Variants in FRAS1 observed in about 807,000 individuals in gnomAD.
The protein encoded by FRAS1 is extracellular matrix organizing protein FRAS1.
FRAS1 carries 290 observed loss-of-function variants against 435.2 expected under a neutral mutation model. That is an observed-to-expected ratio of 0.67 (90% CI 0.61 to 0.73). The LOEUF is 0.73. Ranked by LOEUF, FRAS1 falls within the 30% of genes least tolerant of loss-of-function variation. FRAS1 has a pLI of 0.00. For missense variants in FRAS1, 4,860 were observed against 5,001.5 expected (o/e 0.97, Z 0.85); for synonymous variants, 1,800 against 1,851.0 (o/e 0.97, Z 0.71).
intron 3 of FRAS1, among the ~76,000 whole-genome samples, chr4:78,243,284 G>A (rs1051659232): frequency 6.6e-6 from 1 of 152,080 alleles, no homozygotes; most frequent in African/African-American, 2.4e-5. Flanking sequence ...CCCCACTATT[G>A]TAAGCACTCA....
At chr4:78,064,957 G>A (rs1739932283) in intron 1 of FRAS1, among the ~76,000 whole-genome samples, 1 of 150,976 alleles carries the variant, frequency 6.6e-6, no homozygotes, top group African/African-American at 2.4e-5. Context: ...ACAGCACACT[G>A]CCCATCTCTT....
rs1286310495 is a variant in FRAS1 at position 78,464,531 on chromosome 4, T to C, written c.6977T>C (p.Met2326Thr). 3.1e-6 allele frequency: 5 copies of C among 1,613,792 alleles called. No individual in the cohort carries two copies. Among genetic ancestry groups the C allele is most frequent in the Admixed American group, 1.7e-5 (1 of 59,992 alleles). ...QNLGMRVQEGMRKTITEFELK... is the reference protein window; with the variant it reads ...QNLGMRVQEGTRKTITEFELK... ...TTAGGAATGCGGGTGCAGGAGGGCA[T>C]GAGGAAGACCATCACAGAGTTTGAG... The change falls in exon 49 of 74, where the codon ATG (methionine) becomes ACG (threonine). Residue 2326 changes from methionine (M) to threonine (T), a missense_variant. By Grantham distance (81) the Met-to-Thr change is moderately conservative. Transcript: ENST00000512123.
chr4:78,121,435 G>T (rs1376942453), intron 2 of FRAS1, among the ~76,000 whole-genome samples: 2 of 152,204 alleles, frequency 1.3e-5, no homozygotes, highest in Non-Finnish European at 2.9e-5. Flanking sequence ...TTAGGGTGAG[G>T]GGTGTTGGCA....
At chr4:78,518,683 G>A (rs1721294623) in intron 66 of FRAS1, among the ~76,000 whole-genome samples, 1 of 152,136 alleles carries the variant, frequency 6.6e-6, no homozygotes. Flanking sequence ...TTGGAAATGT[G>A]ATATGCTGCC....
chr4:78,347,751 A>G (rs72657061), intron 20 of FRAS1, among the ~76,000 whole-genome samples: 110 of 73,518 alleles, frequency 1.5e-3, no homozygotes, highest in Admixed American at 3.2e-3. Flanking sequence ...TGGGATGTGT[A>G]TGTGTGTGTG....
chr4:78,320,868 C>G (rs1321901240), intron 18 of FRAS1, among the ~76,000 whole-genome samples: 2 of 152,068 alleles, frequency 1.3e-5, no homozygotes, highest in African/African-American at 4.8e-5. Flanking sequence ...TTTTGTGACA[C>G]ACAGGTTGAA....
At chr4:78,112,414 T>A (rs1244849839) in intron 2 of FRAS1, among the ~76,000 whole-genome samples, 2 of 152,146 alleles carry the variant, frequency 1.3e-5, no homozygotes. Flanking sequence ...TATTATTATT[T>A]TTTATCTTGG....
At chr4:78,515,682 G>A (rs1721185520) in intron 65 of FRAS1, 117 bp from the exon 66 acceptor site, 13 of 865,700 alleles carry the variant, frequency 1.5e-5, no homozygotes, top group Middle Eastern at 3.4e-4. Context: ...TGCTTTGTTA[G>A]TAGGGTCTCA....
chr4:78,210,754 A>G (rs909348308), intron 2 of FRAS1, among the ~76,000 whole-genome samples: 10 of 152,218 alleles, frequency 6.6e-5, no homozygotes, highest in Admixed American at 2.0e-4. Context: ...TGAATTATCT[A>G]TATCTATACA....
At chr4:78,482,253 A>C (rs939524649) in intron 57 of FRAS1, 135 bp from the exon 58 acceptor site, 26 of 985,856 alleles carry the variant, frequency 2.6e-5, no homozygotes, top group Non-Finnish European at 3.9e-5. Flanking sequence ...TAATAAAGAG[A>C]TCATCATGTT....
intron 72 of FRAS1, among the ~76,000 whole-genome samples, chr4:78,537,881 G>A (rs1326924033): frequency 6.6e-6 from 1 of 151,622 alleles, no homozygotes; most frequent in Non-Finnish European, 1.5e-5. Flanking sequence ...GGGAGGTCAA[G>A]GATGCAGTGA....
chr4:78,365,457 C>A (rs1448806914), intron 22 of FRAS1, among the ~76,000 whole-genome samples: 1 of 151,994 alleles, frequency 6.6e-6, no homozygotes, highest in Non-Finnish European at 1.5e-5. Flanking sequence ...CTCTTCACAG[C>A]AGTGGAATCA....
At chr4:78,254,857 G>T (rs1479701592) in intron 5 of FRAS1, among the ~76,000 whole-genome samples, 1 of 151,994 alleles carries the variant, frequency 6.6e-6, no homozygotes, top group East Asian at 1.9e-4. Context: ...GGGAATGAAG[G>T]GTGGGAGGAT....
intron 26 of FRAS1, among the ~76,000 whole-genome samples, chr4:78,376,314 C>T (rs1004028318): frequency 6.6e-6 from 1 of 152,042 alleles, no homozygotes; most frequent in African/African-American, 2.4e-5. Flanking sequence ...TACTACACAC[C>T]AAGGCTATAA....
chr4:78,469,938 C>G lies in FRAS1; in HGVS notation c.7258-40C>G, dbSNP rs1455879153. 4 of 1,440,548 alleles carry G rather than the reference C, an allele frequency of 2.8e-6. No homozygotes were observed. In the East Asian group the frequency reaches 6.9e-5, roughly 25 times the overall value. 89.2% of individuals were successfully genotyped at this position (1,440,548 alleles called of 1,614,324 possible). On this transcript the variant is annotated intron_variant, in intron 50 of 73. Coordinates refer to ENST00000512123, the MANE Select transcript of FRAS1 (RefSeq NM_025074.7). ...CCCTGGACCTGACATACTTCAGGTA[C>G]TTGTGAATGATGAGTTTTCTTTTCT... is the stretch of plus-strand genomic sequence containing the variant.
Position 78,516,010 on chromosome 4 carries a change from C to G in FRAS1, c.10386C>G (p.Phe3462Leu). Reference protein sequence around the residue: ...DVCGGSVTADFQVRDSAQSFL... With the variant: ...DVCGGSVTADLQVRDSAQSFL... Reference sequence around the variant, plus strand: ...GTGGGGGCTCTGTAACCGCTGACTTCCAGGTAGGTGCCCCGGGGCTTGTCT... The same window carrying G: ...GTGGGGGCTCTGTAACCGCTGACTTGCAGGTAGGTGCCCCGGGGCTTGTCT... Residue 3462 changes from phenylalanine to leucine, a missense_variant, in exon 66 of 74, where the codon TTC becomes TTG. Physicochemically the swap from Phe to Leu is conservative, Grantham distance 22. Transcript: ENST00000512123. The G allele has an allele frequency of 6.2e-7, 1 of 1,611,814 alleles. No homozygotes were observed. Among genetic ancestry groups the G allele is most frequent in the Non-Finnish European group, 8.5e-7 (1 of 1,178,628 alleles).
At chr4:78,183,330 C>T (rs1264103224) in intron 2 of FRAS1, among the ~76,000 whole-genome samples, 2 of 152,144 alleles carry the variant, frequency 1.3e-5, no homozygotes, top group Admixed American at 6.6e-5. Flanking sequence ...AAGTCTCCAA[C>T]CACAAGAACA....
At chr4:78,521,470 G>C (rs1560424705) in intron 67 of FRAS1, 53 bp from the exon 68 acceptor site, 18 of 1,255,364 alleles carry the variant, frequency 1.4e-5, no homozygotes, top group Non-Finnish European at 2.0e-5. Flanking sequence ...TGTGGTTGCT[G>C]TCAGGGAGGA....
intron 32 of FRAS1, among the ~76,000 whole-genome samples, chr4:78,416,110 T>C (rs369041370): frequency 8.5e-5 from 13 of 152,250 alleles, no homozygotes; most frequent in African/African-American, 2.9e-4. Context: ...TATTCAACCT[T>C]ACAAAAGAAG....
Sources: allele counts gnomAD v4.1 joint callset (sites outside exome capture counted in the v4.1 genomes callset), GRCh38; gene constraint gnomAD v4.1.1; transcripts MANE v1.5; gene names NCBI Gene and HGNC (gene_info 2026-07-23, HGNC 2026-07-21).